Variants in BCAT1 observed in about 807,000 individuals in gnomAD.
BCAT1 encodes branched chain amino acid transaminase 1.
Under a neutral mutation model 52.4 loss-of-function variants are expected in BCAT1, and 48 were observed. The ratio of observed to expected loss-of-function variants is 0.92; its 90% CI spans 0.73 to 1.16. The LOEUF (loss-of-function observed/expected upper bound fraction) is 1.16. BCAT1 is among the 50% of genes most tolerant of loss of function. The probability of loss-of-function intolerance (pLI) is 0.00; values close to 1 mark genes in which losing one functional copy is unlikely to be tolerated. For synonymous variants in BCAT1, 167 were observed against 161.3 expected, an observed-to-expected ratio of 1.04 and a Z score of -0.27; for missense variants, 451 against 457.1, an observed-to-expected ratio of 0.99 and a Z score of 0.12.
At chr12:24,943,185 C>A (rs1320907282) in intron 1 of BCAT1, among the ~76,000 whole-genome samples, 1 of 152,134 alleles carries the variant, frequency 6.6e-6, no homozygotes, top group Non-Finnish European at 1.5e-5. Flanking sequence ...AAAAGATTGG[C>A]CATACTTTTC....
intron 3 of BCAT1, among the ~76,000 whole-genome samples, chr12:24,892,059 T>TTTTTGTTTTGTTTTGTTTTGTTTTG (rs3044287): frequency 4.1e-4 from 59 of 144,558 alleles, no homozygotes; most frequent in African/African-American, 1.3e-3. Flanking sequence ...GCCTGGCCGT[T>TTTTTGTTTTGTTTTGTTTTGTTTTG]TTTTGTTTTG....
At position 24,875,075 on chromosome 12, in the gene BCAT1, G is replaced by A. The variant is rs373603593; in HGVS notation, c.510+3455C>T. Among the ~76,000 whole-genome samples, 5 of 150,670 alleles carry A rather than the reference G, an allele frequency of 3.3e-5. No individual in the cohort carries two copies. In the South Asian group the frequency reaches 8.4e-4, roughly 25 times the overall value. ...AATTATACTATGAAGACAATGACAG[G>A]ATAGGCCCATCATAGAAACATGCAA... On this transcript the variant is annotated intron_variant, in intron 5 of 10. Coordinates refer to ENST00000261192, the MANE Select transcript of BCAT1 (RefSeq NM_005504.7).
chr12:24,834,709 T>G, intron 8 of BCAT1: 1 of 1,041,854 alleles, frequency 9.6e-7, no homozygotes, highest in Non-Finnish European at 1.2e-6. Flanking sequence ...TTTGAAAGTT[T>G]CAATTTCTCT....
chr12:24,919,848 T>C (rs565529581), intron 1 of BCAT1, among the ~76,000 whole-genome samples: 2 of 152,310 alleles, frequency 1.3e-5, no homozygotes, highest in South Asian at 4.1e-4. Flanking sequence ...TGGTAGTGAA[T>C]AATTGTCTCA....
intron 2 of BCAT1, among the ~76,000 whole-genome samples, chr12:24,901,084 C>G (rs1295828319): frequency 1.3e-5 from 2 of 152,176 alleles, no homozygotes; most frequent in Admixed American, 6.5e-5. Flanking sequence ...CAATGCATGG[C>G]ACAGTCTCCA....
intron 1 of BCAT1, chr12:24,903,496 CTT>C (rs2139686516): frequency 6.5e-6 from 1 of 152,774 alleles, no homozygotes; most frequent in African/African-American, 2.4e-5. Context: ...TGCGTCTGCT[CTT>C]GTCTGCCACT....
chr12:24,866,846 G>C (rs1942033310), intron 5 of BCAT1, among the ~76,000 whole-genome samples: 1 of 152,120 alleles, frequency 6.6e-6, no homozygotes, highest in Admixed American at 6.5e-5. Flanking sequence ...CAGGATGTGG[G>C]TGGGGCCAGA....
intron 1 of BCAT1, among the ~76,000 whole-genome samples, chr12:24,927,138 C>A (rs1164700138): frequency 6.6e-6 from 1 of 152,048 alleles, no homozygotes. Flanking sequence ...TAAATTTCAT[C>A]TCTTGGATGA....
Position 24,842,079 on chromosome 12 carries a change from TAC to T in BCAT1, c.817+1_817+2del. On this transcript the variant is annotated splice_donor_variant, in intron 7 of 10. Coordinates refer to ENST00000261192, the MANE Select transcript of BCAT1 (RefSeq NM_005504.7). LOFTEE classifies it high-confidence loss of function. ...TGCACACAGTGAAATCTGAGTGGAT[TAC>T]CTCCATCTTCATTTATCCAGTAAAG... 6.2e-7 allele frequency: 1 copy of T among 1,612,536 alleles called. No individual in the cohort carries two copies. Among genetic ancestry groups the T allele is most frequent in the Non-Finnish European group, 8.5e-7 (1 of 1,178,886 alleles).
intron 1 of BCAT1, among the ~76,000 whole-genome samples, chr12:24,948,320 A>C (rs1416139420): frequency 2.0e-5 from 3 of 152,264 alleles, no homozygotes. Context: ...CTTGATTAGC[A>C]AGATCAGAGC....
intron 1 of BCAT1, among the ~76,000 whole-genome samples, chr12:24,912,036 A>G (rs1227516803): frequency 2.6e-5 from 4 of 152,168 alleles, no homozygotes; most frequent in African/African-American, 9.7e-5. Context: ...ACCAGTACCT[A>G]AATAGCTTTT....
intron 10 of BCAT1, among the ~76,000 whole-genome samples, chr12:24,825,415 A>G (rs1484555616): frequency 6.6e-6 from 1 of 150,608 alleles, no homozygotes; most frequent in Non-Finnish European, 1.5e-5. Context: ...AACCAACAAT[A>G]TATGATGGTT....
intron 1 of BCAT1, among the ~76,000 whole-genome samples, chr12:24,918,714 A>G (rs973994136): frequency 4.6e-5 from 7 of 152,240 alleles, no homozygotes; most frequent in African/African-American, 1.4e-4. Context: ...TTTAAGACCT[A>G]TGTTCAAAAT....
rs1939939182 is a variant in BCAT1, at chr12:24,817,888, A to G, written c.*120T>C. The stretch of plus-strand genomic sequence containing the variant: ...ACAATCACTCTTGTAACACATTGAT[A>G]CTACAAACTACATTATGCACAGGTA... On this transcript the variant is annotated 3_prime_UTR_variant, in exon 11 of 11. Transcript: ENST00000261192. 2.1e-6 allele frequency: 2 copies of G among 975,444 alleles called. No homozygotes were observed. The highest frequency in any genetic ancestry group is 3.2e-6 in the Non-Finnish European group (2 of 628,816). 60.4% of individuals were successfully genotyped at this position (975,444 alleles called of 1,614,324 possible). A position where few individuals can be genotyped will look rare whatever the true frequency, so the allele number is the denominator to read the frequency against.
intron 10 of BCAT1, among the ~76,000 whole-genome samples, chr12:24,824,994 T>C (rs1187241024): frequency 1.3e-5 from 2 of 152,146 alleles, no homozygotes; most frequent in African/African-American, 4.8e-5. Flanking sequence ...CATGAGAACA[T>C]GTGATGTTTG....
At chr12:24,908,115 G>T (rs370702423) in intron 1 of BCAT1, among the ~76,000 whole-genome samples, 2 of 152,110 alleles carry the variant, frequency 1.3e-5, no homozygotes, top group African/African-American at 2.4e-5. Flanking sequence ...ATGTTCTCAG[G>T]GTCCACTCCA....
intron 2 of BCAT1, among the ~76,000 whole-genome samples, chr12:24,898,519 A>ATTTT (rs1591853913): frequency 8.3e-5 from 2 of 24,048 alleles, no homozygotes; most frequent in African/African-American, 2.8e-4. Flanking sequence ...TTCAGTCAAC[A>ATTTT]CTTTTTTTTT....
intron 5 of BCAT1, among the ~76,000 whole-genome samples, chr12:24,860,044 A>G (rs894276738): frequency 3.3e-5 from 5 of 152,240 alleles, no homozygotes; most frequent in African/African-American, 1.2e-4. Flanking sequence ...TGTATGCCAC[A>G]GAAGTAACCA....
intron 8 of BCAT1, chr12:24,834,628 T>G: frequency 4.1e-6 from 4 of 983,714 alleles, no homozygotes. Context: ...TTTGAATATT[T>G]AAAAGAAGAA....
Sources: gnomAD v4.1 joint callset for allele counts (sites outside exome capture counted in the v4.1 genomes callset) on GRCh38, gnomAD v4.1.1 for gene constraint, MANE v1.5 for transcripts, NCBI Gene and HGNC (gene_info 2026-07-23, HGNC 2026-07-21) for gene names.